The following KLF8 variants were observed in gnomAD, a reference collection of about 807,000 sequenced individuals.
KLF8 encodes the protein Krueppel-like factor 8.
A neutral mutation model predicts 18.2 loss-of-function variants in KLF8; 10 were observed. The observed-to-expected ratio is 0.55, with a 90% CI of 0.34 to 0.93. The LOEUF is 0.93. Among genes scored for constraint, KLF8 ranks in the 40% least tolerant of loss-of-function variants. The pLI is 0.02. For missense variants in KLF8, 264 were observed against 277.9 expected (o/e 0.95, Z 0.36); for synonymous variants, 109 against 97.3 (o/e 1.12, Z -0.71).
chrX:56,041,163 C>T, the KLF8 span, among the ~76,000 whole-genome samples: 4 of 109,828 alleles, frequency 3.6e-5, no homozygotes, highest in East Asian at 2.8e-4. Flanking sequence ...TCACTCTTGT[C>T]GCCCAGGCTG....
the KLF8 span, among the ~76,000 whole-genome samples, chrX:55,939,326 AC>A: frequency 8.9e-6 from 1 of 111,797 alleles, no homozygotes; most frequent in African/African-American, 3.3e-5. Context: ...TTTGAAACCA[AC>A]GAGAGCAAAG....
chrX:56,243,084 G>C, intron 1 of KLF8: 1 of 524,787 alleles, frequency 1.9e-6, no homozygotes, highest in South Asian at 2.2e-5. Context: ...TGTTTGATCT[G>C]GTGCTTGTTG....
At chrX:55,952,985 G>A in the KLF8 span, among the ~76,000 whole-genome samples, 1 of 111,740 alleles carries the variant, frequency 8.9e-6, no homozygotes, top group Admixed American at 9.6e-5. Context: ...ACTAAGTGGT[G>A]AAGTCAGATT....
chrX:56,065,758 G>C, the KLF8 span, among the ~76,000 whole-genome samples: 52 of 111,780 alleles, frequency 4.7e-4, no homozygotes, highest in Non-Finnish European at 9.0e-4. Context: ...CTTTGGGTTT[G>C]ATTCTGGGTG....
the KLF8 span, among the ~76,000 whole-genome samples, chrX:56,183,623 C>T: frequency 9.0e-6 from 1 of 110,699 alleles, no homozygotes; most frequent in African/African-American, 3.3e-5. Context: ...TATTTACAGG[C>T]CTCATGGTAA....
At chrX:56,144,577 G>A in the KLF8 span, among the ~76,000 whole-genome samples, 1 of 107,207 alleles carries the variant, frequency 9.3e-6, no homozygotes, top group African/African-American at 3.4e-5. Flanking sequence ...GTGAAACCTC[G>A]TCTCTACTAA....
the KLF8 span, among the ~76,000 whole-genome samples, chrX:55,939,057 A>G: frequency 8.9e-6 from 1 of 112,064 alleles, no homozygotes; most frequent in African/African-American, 3.2e-5. Context: ...TACACCCCAA[A>G]TCAGCAGAAT....
At chrX:56,006,780 T>A in the KLF8 span, among the ~76,000 whole-genome samples, 110 of 112,681 alleles carry the variant, frequency 9.8e-4, no homozygotes, top group African/African-American at 3.5e-3. Context: ...TTTTCTTCCA[T>A]TCTACAGGTT....
the KLF8 span, among the ~76,000 whole-genome samples, chrX:56,106,043 G>C: frequency 1.8e-5 from 2 of 111,073 alleles, no homozygotes; most frequent in African/African-American, 6.6e-5. Flanking sequence ...TTGAATATTG[G>C]CCCCCACTCT....
chrX:56,145,874 A>G, the KLF8 span, among the ~76,000 whole-genome samples: 1 of 110,404 alleles, frequency 9.1e-6, no homozygotes, highest in African/African-American at 3.3e-5. Flanking sequence ...ATTTACAAGA[A>G]AAAAAAAACA....
At chrX:56,171,660 A>G in the KLF8 span, among the ~76,000 whole-genome samples, 1 of 111,457 alleles carries the variant, frequency 9.0e-6, no homozygotes, top group Non-Finnish European at 1.9e-5. Flanking sequence ...GCTCAGAATG[A>G]TGGTTTCCAG....
chrX:56,136,935 G>C, the KLF8 span, among the ~76,000 whole-genome samples: 1 of 111,768 alleles, frequency 8.9e-6, no homozygotes, highest in Non-Finnish European at 1.9e-5. Context: ...CCATCAAAAA[G>C]TGGGCAAAGT....
At chrX:55,953,091 T>C in the KLF8 span, among the ~76,000 whole-genome samples, 12 of 111,417 alleles carry the variant, frequency 1.1e-4, no homozygotes, top group African/African-American at 3.9e-4. Context: ...ATTCATTCCA[T>C]AGATAAGGTA....
the KLF8 span, among the ~76,000 whole-genome samples, chrX:55,920,109 C>T: frequency 8.9e-6 from 1 of 112,021 alleles, no homozygotes; most frequent in Admixed American, 9.4e-5. Flanking sequence ...AGAAACTCCC[C>T]AGTACCAGCT....
chrX:55,993,432 A>G, the KLF8 span, among the ~76,000 whole-genome samples: 27 of 112,505 alleles, frequency 2.4e-4, no homozygotes, highest in African/African-American at 8.7e-4. Flanking sequence ...CCAAACTTGC[A>G]TTCCAGAAAT....
the KLF8 span, among the ~76,000 whole-genome samples, chrX:56,214,173 G>A: frequency 1.7e-4 from 19 of 110,686 alleles, no homozygotes; most frequent in Non-Finnish European, 3.0e-4. Context: ...GTATAGGATG[G>A]GGGGTGAGGG....
the KLF8 span, among the ~76,000 whole-genome samples, chrX:55,977,667 T>G: frequency 6.3e-5 from 7 of 111,878 alleles, no homozygotes; most frequent in Non-Finnish European, 1.3e-4. Context: ...TTTTATTATG[T>G]GTACTGGCTA....
chrX:56,191,388 G>C, the KLF8 span, among the ~76,000 whole-genome samples: 1 of 111,503 alleles, frequency 9.0e-6, no homozygotes, highest in African/African-American at 3.3e-5. Context: ...ATTTAAAGAA[G>C]AACAAATACC....
chrX:56,163,342 C>A, the KLF8 span, among the ~76,000 whole-genome samples: 1 of 112,002 alleles, frequency 8.9e-6, no homozygotes, highest in Non-Finnish European at 1.9e-5. Context: ...TCTGTAATAA[C>A]AAGTGATGTT....
Sources: gnomAD v4.1 joint callset for allele counts (sites outside exome capture counted in the v4.1 genomes callset) on GRCh38, gnomAD v4.1.1 for gene constraint, MANE v1.5 for transcripts, NCBI Gene and HGNC (gene_info 2026-07-23, HGNC 2026-07-21) for gene names.